Variants in NOX4 observed in about 807,000 individuals in gnomAD.
The protein encoded by NOX4 is NADPH oxidase 4.
NOX4 carries 69 observed loss-of-function variants against 87.6 expected under a neutral mutation model. The observed-to-expected ratio is 0.79, with a 90% confidence interval of 0.65 to 0.96. The LOEUF (loss-of-function observed/expected upper bound fraction) is 0.96, where lower values mean the gene tolerates loss of function less well. Among genes scored for constraint, NOX4 ranks in the 40% least tolerant of loss-of-function variants. The probability of loss-of-function intolerance (pLI) is 0.00; values close to 1 mark genes in which losing one functional copy is unlikely to be tolerated. For missense variants in NOX4, 680 were observed against 681.5 expected, an observed-to-expected ratio of 1.00 and a Z score of 0.02; for synonymous variants, 275 against 238.2, an observed-to-expected ratio of 1.15 and a Z score of -1.42.
At chr11:89,524,699 T>G in the NOX4 span, among the ~76,000 whole-genome samples, 1 of 152,120 alleles carries the variant, frequency 6.6e-6, no homozygotes, top group African/African-American at 2.4e-5. Context: ...TATTTTTTAA[T>G]TGACAGATAT....
chr11:89,460,815 C>A (rs1269859682), intron 2 of NOX4, among the ~76,000 whole-genome samples: 2 of 152,112 alleles, frequency 1.3e-5, no homozygotes, highest in South Asian at 2.1e-4. Flanking sequence ...TGGGTATATA[C>A]CCAGAGGATT....
At chr11:89,529,861 A>C in the NOX4 span, among the ~76,000 whole-genome samples, 1 of 152,206 alleles carries the variant, frequency 6.6e-6, no homozygotes, top group Admixed American at 6.5e-5. Context: ...GATTGGACAT[A>C]ATGAAGAAAT....
intron 7 of NOX4, among the ~76,000 whole-genome samples, chr11:89,428,773 A>G (rs317135): frequency 2.6e-5 from 4 of 151,644 alleles, no homozygotes; most frequent in African/African-American, 9.7e-5. Flanking sequence ...ATGGGAGACT[A>G]TAACACCCCA....
At chr11:89,585,798 A>G in the NOX4 span, among the ~76,000 whole-genome samples, 1 of 152,266 alleles carries the variant, frequency 6.6e-6, no homozygotes, top group African/African-American at 2.4e-5. Context: ...ACCCATTCAC[A>G]TCACTGTTCT....
the NOX4 span, among the ~76,000 whole-genome samples, chr11:89,516,208 A>T: frequency 6.6e-6 from 1 of 152,114 alleles, no homozygotes; most frequent in Non-Finnish European, 1.5e-5. Context: ...GTGCTATCAC[A>T]TGTATTGCAT....
intron 13 of NOX4, among the ~76,000 whole-genome samples, chr11:89,346,788 T>C (rs1376423412): frequency 1.3e-5 from 2 of 152,224 alleles, no homozygotes; most frequent in Admixed American, 1.3e-4. Flanking sequence ...CTAACACAGC[T>C]TCTTGACTTA....
intron 7 of NOX4, among the ~76,000 whole-genome samples, chr11:89,424,533 T>A (rs947659516): frequency 1.3e-5 from 2 of 151,752 alleles, no homozygotes; most frequent in African/African-American, 4.8e-5. Flanking sequence ...TTCTTAGGAA[T>A]ACATCTAGTG....
intron 7 of NOX4, among the ~76,000 whole-genome samples, chr11:89,426,461 T>C (rs1591202193): frequency 6.6e-6 from 1 of 151,734 alleles, no homozygotes; most frequent in Admixed American, 6.6e-5. Context: ...GTCAAGGAAT[T>C]CCCTTGGCTA....
intron 6 of NOX4, 135 bp from the exon 7 acceptor site, chr11:89,432,991 T>G (rs1199752522): frequency 9.6e-6 from 6 of 627,430 alleles, no homozygotes; most frequent in East Asian, 2.8e-5. Flanking sequence ...TACATGTATG[T>G]TCTCCCTCAA....
chr11:89,397,907 T>C (rs1286060697), intron 11 of NOX4, among the ~76,000 whole-genome samples: 1 of 152,044 alleles, frequency 6.6e-6, no homozygotes, highest in African/African-American at 2.4e-5. Context: ...GCTGGTACCA[T>C]TCCTTCTGAA....
At chr11:89,403,076 C>T (rs930810278) in intron 8 of NOX4, among the ~76,000 whole-genome samples, 6 of 152,144 alleles carry the variant, frequency 3.9e-5, no homozygotes, top group Non-Finnish European at 8.8e-5. Flanking sequence ...GTATATACAG[C>T]AATCAGTCCC....
intron 12 of NOX4, among the ~76,000 whole-genome samples, chr11:89,362,002 T>C (rs1205438297): frequency 6.6e-6 from 1 of 152,048 alleles, no homozygotes; most frequent in East Asian, 1.9e-4. Flanking sequence ...ATTTCAGCAC[T>C]ACACAGGCAA....
chr11:89,421,205 A>C (rs925740836), intron 8 of NOX4, among the ~76,000 whole-genome samples: 1 of 152,188 alleles, frequency 6.6e-6, no homozygotes, highest in African/African-American at 2.4e-5. Context: ...GCAGGTGTGA[A>C]TGTCACGCCA....
At chr11:89,333,800 C>T (rs537652968) in intron 17 of NOX4, among the ~76,000 whole-genome samples, 1 of 151,720 alleles carries the variant, frequency 6.6e-6, no homozygotes, top group Non-Finnish European at 1.5e-5. Context: ...CCTAAGTATG[C>T]TACATAAAAA....
At chr11:89,568,473 C>T in the NOX4 span, among the ~76,000 whole-genome samples, 1 of 152,136 alleles carries the variant, frequency 6.6e-6, no homozygotes, top group South Asian at 2.1e-4. Context: ...AGACAGCTAA[C>T]CAGAGAAGGG....
chr11:89,444,144 G>A lies in NOX4; in HGVS notation c.438C>T (p.Tyr146=). The A allele has an allele frequency of 6.2e-7, 1 of 1,613,262 alleles. No individual in the cohort carries two copies. The highest frequency in any genetic ancestry group is 8.5e-7 in the Non-Finnish European group (1 of 1,179,474). ...EDFVELNAAR[Y]RDEDPRKLLF... ...GACAGAGACCACCCACCTCATCTCG[G>A]TATCTTGCTGCATTCAGTTCAACAA... Residue 146 remains tyrosine (Y), a synonymous_variant, in exon 5 of 18, where the codon TAC becomes TAT. Coordinates refer to ENST00000263317, the MANE Select transcript of NOX4 (RefSeq NM_016931.5).
upstream of NOX4, among the ~76,000 whole-genome samples, chr11:89,498,442 T>A (rs533937716): frequency 2.6e-5 from 4 of 152,358 alleles, no homozygotes; most frequent in Non-Finnish European, 5.9e-5. Flanking sequence ...TATTTATAAT[T>A]GCTATAAAGT....
At chr11:89,561,916 G>A in the NOX4 span, among the ~76,000 whole-genome samples, 27 of 152,176 alleles carry the variant, frequency 1.8e-4, no homozygotes, top group African/African-American at 5.8e-4. Flanking sequence ...CAGAAGCAAG[G>A]TGATTTCAGA....
At chr11:89,437,784 A>G (rs1944155206) in intron 6 of NOX4, among the ~76,000 whole-genome samples, 1 of 152,098 alleles carries the variant, frequency 6.6e-6, no homozygotes, top group African/African-American at 2.4e-5. Context: ...TTTTACAGTC[A>G]TCCTTCAATA....
Sources: allele counts gnomAD v4.1 joint callset (sites outside exome capture counted in the v4.1 genomes callset), GRCh38; gene constraint gnomAD v4.1.1; transcripts MANE v1.5; gene names NCBI Gene and HGNC (gene_info 2026-07-23, HGNC 2026-07-21).